Variants in BCR observed in about 807,000 individuals in gnomAD.
BCR encodes breakpoint cluster region protein.
A neutral mutation model predicts 138.6 loss-of-function variants in BCR; 58 were observed. That is an observed-to-expected ratio of 0.42 (90% CI 0.34 to 0.52). The LOEUF is 0.52. Ranked by LOEUF, BCR falls within the 20% of genes least tolerant of loss-of-function variation. The probability of loss-of-function intolerance (pLI) is 0.06; values close to 1 mark genes in which losing one functional copy is unlikely to be tolerated. For missense variants in BCR, 1,599 were observed against 1,727.2 expected, an observed-to-expected ratio of 0.93 and a Z score of 1.32; for synonymous variants, 786 against 730.1, an observed-to-expected ratio of 1.08 and a Z score of -1.23.
rs1396062543 is a variant in BCR at position 23,315,975 on chromosome 22, C to G, written c.*453C>G. 3.2e-6 allele frequency: 1 copy of G among 308,056 alleles called. No individual in the cohort carries two copies. Among genetic ancestry groups the G allele is most frequent in the East Asian group, 5.8e-5 (1 of 17,320 alleles). The allele number at this position is 308,056 out of a possible 1,614,324, so 19.1% of individuals were successfully genotyped here. On this transcript the variant is annotated 3_prime_UTR_variant, in exon 23 of 23. Coordinates refer to ENST00000305877, the MANE Select transcript of BCR (RefSeq NM_004327.4). ...ATCCTGTGGGGGCCGTGGCCCTGTC[C>G]CTGTGTGGGTGGGGCCTCTTCCATT...
chr22:23,251,412 G>A (rs769058248), intron 1 of BCR, among the ~76,000 whole-genome samples: 4 of 152,212 alleles, frequency 2.6e-5, no homozygotes, highest in Non-Finnish European at 5.9e-5. Context: ...GTGCAGCCAG[G>A]GCTGAGGACA....
chr22:23,314,400 C>G, intron 21 of BCR, 152 bp from the exon 22 acceptor site: 1 of 951,274 alleles, frequency 1.1e-6, no homozygotes. Context: ...TCCTGGGCCA[C>G]TGAGACCCAG....
chr22:23,222,428 G>A (rs371712145), intron 1 of BCR, among the ~76,000 whole-genome samples: 5 of 152,388 alleles, frequency 3.3e-5, no homozygotes, highest in African/African-American at 1.2e-4. Context: ...TTCACAGTAT[G>A]TTGGTGGGAA....
intron 16 of BCR, among the ~76,000 whole-genome samples, chr22:23,298,556 C>T (rs1160132085): frequency 6.6e-6 from 1 of 150,976 alleles, no homozygotes; most frequent in East Asian, 1.9e-4. Flanking sequence ...CCCTTCCTTC[C>T]TTTTCTTTCT....
intron 1 of BCR, among the ~76,000 whole-genome samples, chr22:23,209,345 G>A (rs968810185): frequency 6.6e-6 from 1 of 151,302 alleles, no homozygotes; most frequent in African/African-American, 2.5e-5. Flanking sequence ...GGGCTACAGA[G>A]TGAGACTCTG....
chr22:23,222,374 T>C (rs2072835563), intron 1 of BCR, among the ~76,000 whole-genome samples: 1 of 152,142 alleles, frequency 6.6e-6, no homozygotes, highest in African/African-American at 2.4e-5. Flanking sequence ...AGTGGGAAGG[T>C]GGAACACAGC....
chr22:23,314,146 G>C (rs1274264979), intron 21 of BCR, 73 bp downstream of exon 21: 2 of 1,223,990 alleles, frequency 1.6e-6, no homozygotes, highest in South Asian at 2.4e-5. Context: ...GCTCCCACTA[G>C]ACCCCCAACA....
At chr22:23,248,598 G>A (rs1317890998) in intron 1 of BCR, among the ~76,000 whole-genome samples, 1 of 151,918 alleles carries the variant, frequency 6.6e-6, no homozygotes. Context: ...GCAGAGTTCT[G>A]GGGTTGGGTT....
chr22:23,259,600 T>G (rs956323500), intron 2 of BCR, among the ~76,000 whole-genome samples: 6 of 150,304 alleles, frequency 4.0e-5, no homozygotes, highest in Non-Finnish European at 7.4e-5. Context: ...CACTGCAACC[T>G]CCCCCTCCTG....
chr22:23,261,280 G>A, intron 3 of BCR, 75 bp from the exon 4 acceptor site: 1 of 1,466,220 alleles, frequency 6.8e-7, no homozygotes, highest in South Asian at 1.2e-5. Flanking sequence ...AACCATGACT[G>A]TCTACTGCCA....
chr22:23,293,898 A>G (rs1350876703), intron 15 of BCR, among the ~76,000 whole-genome samples: 1 of 150,516 alleles, frequency 6.6e-6, no homozygotes, highest in Non-Finnish European at 1.5e-5. Context: ...CCATGCGCGC[A>G]CACGCCTCGG....
intron 2 of BCR, among the ~76,000 whole-genome samples, chr22:23,258,871 C>T (rs770106937): frequency 2.0e-5 from 3 of 152,250 alleles, no homozygotes; most frequent in Admixed American, 6.5e-5. Flanking sequence ...CCCAGTTCCA[C>T]GCCTGTGAGC....
At chr22:23,263,366 C>A in intron 4 of BCR, 1 of 1,222,588 alleles carries the variant, frequency 8.2e-7, no homozygotes, top group Non-Finnish European at 1.2e-6. Flanking sequence ...TCAACTCCGG[C>A]TTCACGCGGC....
At chr22:23,203,817 C>T (rs1379851827) in intron 1 of BCR, among the ~76,000 whole-genome samples, 1 of 152,208 alleles carries the variant, frequency 6.6e-6, no homozygotes, top group Admixed American at 6.5e-5. Context: ...GTTAGGTCTG[C>T]CAGATAGCAT....
intron 1 of BCR, among the ~76,000 whole-genome samples, chr22:23,199,923 A>G (rs1215794816): frequency 6.6e-6 from 1 of 152,000 alleles, no homozygotes; most frequent in African/African-American, 2.4e-5. Flanking sequence ...TCTCTACTAA[A>G]AATACAAAAA....
chr22:23,289,246 T>C (rs2073754923), intron 12 of BCR, among the ~76,000 whole-genome samples: 1 of 152,220 alleles, frequency 6.6e-6, no homozygotes, highest in Non-Finnish European at 1.5e-5. Context: ...CAGACCTGCC[T>C]TGTGGCTGTG....
chr22:23,309,492 C>T lies in BCR; in HGVS notation c.3072+9C>T. 1.3e-6 allele frequency: 2 copies of T among 1,589,402 alleles called. No individual in the cohort carries two copies. Among genetic ancestry groups the T allele is most frequent in the Non-Finnish European group, 1.7e-6 (2 of 1,166,650 alleles). On this transcript the variant is annotated intron_variant, in intron 17 of 22. Transcript: ENST00000305877. ...TCATCGCCATGAATGGGGTACGTGT[C>T]CGTGGGACTCTCCTGGTGCCCACTT... is the stretch of plus-strand genomic sequence containing the variant.
chr22:23,299,676 GT>G (rs982740729), intron 16 of BCR, among the ~76,000 whole-genome samples: 6 of 147,780 alleles, frequency 4.1e-5, no homozygotes, highest in African/African-American at 1.3e-4. Flanking sequence ...TTAATACATT[GT>G]TTAATGGATC....
At chr22:23,248,385 C>G (rs904698217) in intron 1 of BCR, among the ~76,000 whole-genome samples, 3 of 151,298 alleles carry the variant, frequency 2.0e-5, no homozygotes, top group African/African-American at 7.3e-5. Flanking sequence ...GGGTACATAA[C>G]TAGGAGTAGA....
Sources: allele counts gnomAD v4.1 joint callset (sites outside exome capture counted in the v4.1 genomes callset), GRCh38; gene constraint gnomAD v4.1.1; transcripts MANE v1.5; gene names NCBI Gene and HGNC (gene_info 2026-07-23, HGNC 2026-07-21).